KATNAL2: variants seen among roughly 807,000 people sequenced by gnomAD.
The protein encoded by KATNAL2 is katanin p60 ATPase-containing subunit A-like 2.
A neutral mutation model predicts 76.3 loss-of-function variants in KATNAL2; 52 were observed. The observed-to-expected ratio is 0.68, with a 90% confidence interval of 0.55 to 0.86. The LOEUF is 0.86. Ranked by LOEUF, KATNAL2 falls within the 40% of genes least tolerant of loss-of-function variation. The pLI is 0.00. For synonymous variants in KATNAL2, 243 were observed against 244.2 expected, an observed-to-expected ratio of 1.00 and a Z score of 0.05; for missense variants, 660 against 668.9, an observed-to-expected ratio of 0.99 and a Z score of 0.15.
intron 15 of KATNAL2, among the ~76,000 whole-genome samples, chr18:47,078,839 A>C (rs1237090157): frequency 6.6e-6 from 1 of 152,216 alleles, no homozygotes; most frequent in Non-Finnish European, 1.5e-5. Context: ...AAAACGCATA[A>C]AAATTGAATA....
chr18:47,055,995 T>C (rs1358104550), intron 6 of KATNAL2, among the ~76,000 whole-genome samples: 2 of 152,224 alleles, frequency 1.3e-5, no homozygotes, highest in Non-Finnish European at 2.9e-5. Flanking sequence ...TACTCAAATA[T>C]AGTTACTAAA....
rs1218773164 is a variant in KATNAL2, at chr18:46,946,830, T to G, written c.-19-24T>G. 5 of 1,530,044 alleles carry G rather than the reference T, an allele frequency of 3.3e-6. No homozygotes were observed. The East Asian group carries it at 7.3e-5, about 22-fold the overall frequency. The allele number at this position is 1,530,044 out of a possible 1,614,324, so 94.8% of individuals were successfully genotyped here. On this transcript the variant is annotated intron_variant, in intron 2 of 17. Transcript: ENST00000683218. ...TGGATCGACCGGTCAGCCCAGTAAC[T>G]GACTACTTTTCTCCCTTCTCTAGGG...
intron 3 of KATNAL2, among the ~76,000 whole-genome samples, chr18:47,036,487 T>C (rs1179784151): frequency 6.6e-6 from 1 of 152,250 alleles, no homozygotes; most frequent in Admixed American, 6.5e-5. Flanking sequence ...TGCCACCTTT[T>C]GGTAGCCTTT....
chr18:47,085,593 C>T (rs925947815), intron 15 of KATNAL2, among the ~76,000 whole-genome samples: 24 of 152,208 alleles, frequency 1.6e-4, no homozygotes, highest in African/African-American at 5.5e-4. Context: ...CACGACTCCA[C>T]GTGAACCCAC....
intron 6 of KATNAL2, among the ~76,000 whole-genome samples, chr18:47,057,145 C>T (rs2061495555): frequency 6.6e-6 from 1 of 152,180 alleles, no homozygotes. Context: ...TTATATTAGA[C>T]ATGAACATTT....
At chr18:47,095,342 C>T (rs1365959379) in intron 15 of KATNAL2, among the ~76,000 whole-genome samples, 1 of 152,176 alleles carries the variant, frequency 6.6e-6, no homozygotes, top group African/African-American at 2.4e-5. Flanking sequence ...TCATAATCCC[C>T]ACCTGTCAAG....
At chr18:47,034,965 C>T (rs543151188) in intron 3 of KATNAL2, 28 of 1,611,718 alleles carry the variant, frequency 1.7e-5, no homozygotes, top group East Asian at 6.7e-5. Context: ...GAAGAGCCTC[C>T]CCGAAGCGCT....
At chr18:47,061,729 T>G (rs1267469609) in intron 8 of KATNAL2, among the ~76,000 whole-genome samples, 1 of 152,176 alleles carries the variant, frequency 6.6e-6, no homozygotes, top group African/African-American at 2.4e-5. Context: ...GTTTTATAAT[T>G]TCTCCAAGCC....
At chr18:47,088,917 A>C (rs1007143523) in intron 15 of KATNAL2, among the ~76,000 whole-genome samples, 7 of 152,204 alleles carry the variant, frequency 4.6e-5, no homozygotes, top group African/African-American at 1.7e-4. Context: ...CTAACTTATC[A>C]GTGAACACTT....
intron 15 of KATNAL2, among the ~76,000 whole-genome samples, chr18:47,079,264 T>C (rs569937383): frequency 6.6e-6 from 1 of 152,358 alleles, no homozygotes; most frequent in South Asian, 2.1e-4. Flanking sequence ...GATTCCTGTT[T>C]ATATTCAGAT....
intron 3 of KATNAL2, among the ~76,000 whole-genome samples, chr18:47,043,226 CAAAAAAAA>C (rs1195140135): frequency 0.064 from 2,673 of 41,678 alleles, 321 homozygotes; most frequent in Admixed American, 0.083. Flanking sequence ...GACTCCGTTT[CAAAAAAAA>C]AAAAAAAAAA....
At chr18:46,926,871 G>C (rs2058743650) in intron 1 of KATNAL2, among the ~76,000 whole-genome samples, 1 of 152,044 alleles carries the variant, frequency 6.6e-6, no homozygotes, top group Non-Finnish European at 1.5e-5. Flanking sequence ...ATCTTTGTTG[G>C]TTTAAAGTTT....
intron 1 of KATNAL2, among the ~76,000 whole-genome samples, chr18:46,920,781 C>T (rs2058494575): frequency 6.6e-6 from 1 of 152,078 alleles, no homozygotes; most frequent in Admixed American, 6.6e-5. Context: ...AAAAAGAAAT[C>T]CCTGCACTTA....
chr18:47,075,976 G>T (rs797013505), intron 14 of KATNAL2: 4 of 152,290 alleles, frequency 2.6e-5, no homozygotes, highest in African/African-American at 9.6e-5. Flanking sequence ...CCAAAAGCCA[G>T]AGTAGTGTTG....
chr18:47,069,459 A>C (rs1276733453), intron 12 of KATNAL2, 23 bp from the exon 13 acceptor site: 1 of 1,562,264 alleles, frequency 6.4e-7, no homozygotes, highest in East Asian at 2.3e-5. Flanking sequence ...ATGCCTGCTC[A>C]TCTTTTATGT....
chr18:46,958,245 T>G (rs968786720), intron 3 of KATNAL2, among the ~76,000 whole-genome samples: 1 of 152,148 alleles, frequency 6.6e-6, no homozygotes, highest in Non-Finnish European at 1.5e-5. Flanking sequence ...GCCTTCAGAC[T>G]TGGACTGAAA....
At chr18:47,084,292 T>C (rs1048410000) in intron 15 of KATNAL2, 1 of 701,674 alleles carries the variant, frequency 1.4e-6, no homozygotes, top group African/African-American at 1.7e-5. Flanking sequence ...ATGCATGTGA[T>C]TGGAGGGATA....
intron 11 of KATNAL2, 28 bp from the exon 12 acceptor site, chr18:47,069,192 A>C (rs948722439): frequency 3.2e-6 from 5 of 1,562,384 alleles, no homozygotes; most frequent in Non-Finnish European, 4.4e-6. Context: ...TTGGTACCAA[A>C]CCTCATCCTT....
intron 1 of KATNAL2, among the ~76,000 whole-genome samples, chr18:46,918,456 C>T (rs114237381): frequency 0.012 from 1,840 of 152,264 alleles, 33 homozygotes; most frequent in African/African-American, 0.041. Context: ...CCGCACCCCG[C>T]AAGTTTTGTT....
Sources: gnomAD v4.1 joint callset for allele counts (sites outside exome capture counted in the v4.1 genomes callset) on GRCh38, gnomAD v4.1.1 for gene constraint, MANE v1.5 for transcripts, NCBI Gene and HGNC (gene_info 2026-07-23, HGNC 2026-07-21) for gene names.